ATP9B: variants seen among roughly 807,000 people sequenced by gnomAD.
ATP9B encodes probable phospholipid-transporting ATPase IIB.
In ATP9B, 110 loss-of-function variants were observed where a neutral mutation model predicts 146.1. That is an observed-to-expected ratio of 0.75 (90% CI 0.65 to 0.88). The LOEUF is 0.88. Among genes scored for constraint, ATP9B ranks in the 40% least tolerant of loss-of-function variants. ATP9B has a pLI of 0.00. For missense variants in ATP9B, 1,499 were observed against 1,496.4 expected (o/e 1.00, Z -0.03); for synonymous variants, 604 against 569.7 (o/e 1.06, Z -0.86).
intron 13 of ATP9B, among the ~76,000 whole-genome samples, chr18:79,290,496 C>T (rs1038142804): frequency 5.3e-5 from 8 of 152,204 alleles, no homozygotes; most frequent in Non-Finnish European, 1.2e-4. Flanking sequence ...GGGAGTGACC[C>T]GATTTTCCAG....
At chr18:79,272,158 G>A (rs1002656421) in intron 12 of ATP9B, among the ~76,000 whole-genome samples, 1 of 151,988 alleles carries the variant, frequency 6.6e-6, no homozygotes, top group Non-Finnish European at 1.5e-5. Context: ...TGAGTAGATT[G>A]CAAAAATGTT....
At position 79,296,411 on chromosome 18, in the gene ATP9B, G is replaced by T. The variant is rs548662999; in HGVS notation, c.1412-7193G>T. Among the ~76,000 whole-genome samples the T allele has an allele frequency of 1.0e-3, 154 of 152,334 alleles. 1 individual carries two copies. Among genetic ancestry groups the T allele is most frequent in the Non-Finnish European group, 1.9e-3 (128 of 68,032 alleles). ...TGTGTGGTTTTTTCCTAAAGATCTTGTGTGGCTTTAAATTTATCTGCATGT... is the reference window on the plus strand; with the variant it reads ...TGTGTGGTTTTTTCCTAAAGATCTTTTGTGGCTTTAAATTTATCTGCATGT... On this transcript the variant is annotated intron_variant, in intron 13 of 29. Coordinates refer to ENST00000426216, the MANE Select transcript of ATP9B (RefSeq NM_198531.5).
At chr18:79,245,896 TGAGGAGG>T (rs2095950649) in intron 11 of ATP9B, among the ~76,000 whole-genome samples, 1 of 117,170 alleles carries the variant, frequency 8.5e-6, no homozygotes, top group African/African-American at 3.3e-5. Flanking sequence ...CTCTACTGAC[TGAGGAGG>T]GCACCGCCCT....
In ATP9B at chr18:79,072,846, G is replaced by A. The variant is rs1226220183; in HGVS notation, c.119+3317G>A. Among the ~76,000 whole-genome samples the A allele has an allele frequency of 3.3e-5, 5 of 151,982 alleles. No homozygotes were observed. The South Asian group carries it at 1.0e-3, about 32-fold the overall frequency. On this transcript the variant is annotated intron_variant, in intron 1 of 29. Transcript: ENST00000426216. ...TCCTCACCTCTCAGATGGGGCGGCC[G>A]GGCAGAGGCGCTCCTCAGTTCCCAG...
chr18:79,096,710 C>G, intron 2 of ATP9B, 61 bp downstream of exon 2: 1 of 1,319,574 alleles, frequency 7.6e-7, no homozygotes, highest in Non-Finnish European at 1.0e-6. Context: ...AGGTTAGCTT[C>G]TAATATACTT....
intron 11 of ATP9B, among the ~76,000 whole-genome samples, chr18:79,227,193 T>A (rs78286790): frequency 0.01 from 1,569 of 152,238 alleles, 23 homozygotes; most frequent in Middle Eastern, 0.014. Flanking sequence ...TTTTTGTTTT[T>A]ACTTCCACAG....
intron 25 of ATP9B, among the ~76,000 whole-genome samples, chr18:79,351,678 C>T (rs2096923098): frequency 1.3e-5 from 2 of 152,194 alleles, no homozygotes; most frequent in African/African-American, 4.8e-5. Flanking sequence ...TTCATCAGCT[C>T]TGGAGGGAAC....
chr18:79,126,065 G>A (rs973987376), intron 4 of ATP9B, among the ~76,000 whole-genome samples: 4 of 152,068 alleles, frequency 2.6e-5, no homozygotes, highest in African/African-American at 9.7e-5. Flanking sequence ...AAAATTTGGG[G>A]AGTATACTAA....
intron 10 of ATP9B, among the ~76,000 whole-genome samples, chr18:79,209,220 C>T (rs951478895): frequency 2.0e-5 from 3 of 152,154 alleles, no homozygotes; most frequent in South Asian, 2.1e-4. Context: ...AGTAGTTACA[C>T]GAAAGCATTT....
intron 1 of ATP9B, among the ~76,000 whole-genome samples, chr18:79,094,577 A>G (rs1345861958): frequency 6.6e-6 from 1 of 152,148 alleles, no homozygotes; most frequent in Non-Finnish European, 1.5e-5. Context: ...GTGTAGCCCT[A>G]ATAGGGCTAG....
chr18:79,138,332 A>T (rs1214123292), intron 5 of ATP9B, among the ~76,000 whole-genome samples: 2 of 152,182 alleles, frequency 1.3e-5, no homozygotes, highest in Admixed American at 1.3e-4. Flanking sequence ...ACAGTTTTAC[A>T]TGAGAAAGCT....
At chr18:79,243,398 C>T (rs1445477849) in intron 11 of ATP9B, among the ~76,000 whole-genome samples, 2 of 152,224 alleles carry the variant, frequency 1.3e-5, no homozygotes, top group African/African-American at 4.8e-5. Context: ...GTCAAGACAG[C>T]TAATGGCTCT....
At chr18:79,100,657 G>A (rs1306049942) in intron 2 of ATP9B, among the ~76,000 whole-genome samples, 2 of 151,900 alleles carry the variant, frequency 1.3e-5, no homozygotes, top group Non-Finnish European at 2.9e-5. Flanking sequence ...AGTATAGAGG[G>A]GTCCTGTATT....
chr18:79,342,600 ATAAATAAT>A (rs1329743127), intron 20 of ATP9B, among the ~76,000 whole-genome samples: 3 of 150,174 alleles, frequency 2.0e-5, no homozygotes, highest in Non-Finnish European at 4.4e-5. Flanking sequence ...TAAAAAATAA[ATAAATAAT>A]TAATTAATTA....
At chr18:79,100,744 A>G (rs2075212692) in intron 2 of ATP9B, among the ~76,000 whole-genome samples, 1 of 152,236 alleles carries the variant, frequency 6.6e-6, no homozygotes, top group African/African-American at 2.4e-5. Flanking sequence ...AGTTAGACTC[A>G]CAGTAGTTCC....
chr18:79,142,303 A>G (rs1185099552), intron 5 of ATP9B, among the ~76,000 whole-genome samples: 1 of 152,252 alleles, frequency 6.6e-6, no homozygotes, highest in Non-Finnish European at 1.5e-5. Context: ...CAGAAATGTT[A>G]GATCTTAATT....
intron 13 of ATP9B, among the ~76,000 whole-genome samples, chr18:79,292,825 G>A (rs1599693763): frequency 6.6e-6 from 1 of 151,994 alleles, no homozygotes; most frequent in African/African-American, 2.4e-5. Flanking sequence ...TGGCACAATT[G>A]TGGGTCACTG....
At chr18:79,194,936 A>C (rs892858100) in intron 9 of ATP9B, among the ~76,000 whole-genome samples, 1 of 152,184 alleles carries the variant, frequency 6.6e-6, no homozygotes, top group African/African-American at 2.4e-5. Context: ...GCTTTGGGAC[A>C]TTGAAGGGAC....
chr18:79,095,489 C>T (rs768064698), intron 1 of ATP9B: 2 of 152,178 alleles, frequency 1.3e-5, no homozygotes, highest in Non-Finnish European at 2.9e-5. Flanking sequence ...TTACTTTTCT[C>T]CTTATGTGTC....
Sources: allele counts gnomAD v4.1 joint callset (sites outside exome capture counted in the v4.1 genomes callset), GRCh38; gene constraint gnomAD v4.1.1; transcripts MANE v1.5; gene names NCBI Gene and HGNC (gene_info 2026-07-23, HGNC 2026-07-21).